Variants in PREX2 observed in about 807,000 individuals in gnomAD.
PREX2 encodes phosphatidylinositol 3,4,5-trisphosphate-dependent Rac exchanger 2 protein.
In PREX2, 107 loss-of-function variants were observed where a neutral mutation model predicts 203.2. The observed-to-expected ratio is 0.53, with a 90% confidence interval of 0.45 to 0.62. PREX2 has a LOEUF of 0.62. Ranked by LOEUF, PREX2 falls within the 20% of genes least tolerant of loss-of-function variation. The probability of loss-of-function intolerance (pLI) is 0.00; values close to 1 mark genes in which losing one functional copy is unlikely to be tolerated. For missense variants in PREX2, 1,777 were observed against 1,955.9 expected (o/e 0.91, Z 1.72); for synonymous variants, 672 against 663.6 (o/e 1.01, Z -0.19).
intron 1 of PREX2, among the ~76,000 whole-genome samples, chr8:67,995,882 G>A (rs4633043): frequency 0.22 from 33,786 of 152,038 alleles, 4,827 homozygotes; most frequent in East Asian, 0.54. Context: ...GCAAATGTAT[G>A]TTTAACTTTA....
At chr8:68,139,158 A>C (rs551227864) in intron 33 of PREX2, among the ~76,000 whole-genome samples, 1 of 152,320 alleles carries the variant, frequency 6.6e-6, no homozygotes, top group African/African-American at 2.4e-5. Context: ...ATTTTATAAT[A>C]AATTAGAAGG....
chr8:68,107,506 A>G (rs780705875), intron 23 of PREX2, among the ~76,000 whole-genome samples: 1 of 152,324 alleles, frequency 6.6e-6, no homozygotes, highest in Non-Finnish European at 1.5e-5. Context: ...TTCTCAAACC[A>G]TAAAGGCAGA....
intron 31 of PREX2, among the ~76,000 whole-genome samples, chr8:68,130,976 G>A (rs190092398): frequency 1.0e-3 from 156 of 152,346 alleles, no homozygotes; most frequent in African/African-American, 3.6e-3. Flanking sequence ...CAGAGGAGAA[G>A]GACAAGGGCA....
chr8:68,108,521 G>A (rs1030495006), intron 24 of PREX2, among the ~76,000 whole-genome samples, 190 bp downstream of exon 24: 1 of 152,136 alleles, frequency 6.6e-6, no homozygotes, highest in African/African-American at 2.4e-5. Flanking sequence ...ATGGAGTTAG[G>A]CATTTTTGTT....
chr8:68,050,105 G>A (rs1808482271), intron 8 of PREX2, among the ~76,000 whole-genome samples: 1 of 151,732 alleles, frequency 6.6e-6, no homozygotes, highest in Admixed American at 6.6e-5. Flanking sequence ...TTTTAAATTG[G>A]TGTGATAGAA....
chr8:68,097,301 T>G, intron 22 of PREX2, 100 bp downstream of exon 22: 7 of 890,054 alleles, frequency 7.9e-6, no homozygotes, highest in Non-Finnish European at 9.9e-6. Flanking sequence ...CTATACATGT[T>G]GCAGCTGTCA....
intron 37 of PREX2, among the ~76,000 whole-genome samples, chr8:68,206,736 G>T (rs954539980): frequency 2.6e-5 from 4 of 152,132 alleles, no homozygotes; most frequent in Non-Finnish European, 5.9e-5. Context: ...TATTTGTTGA[G>T]CAAGAAAAAA....
intron 1 of PREX2, among the ~76,000 whole-genome samples, chr8:67,967,175 T>C (rs1805801060): frequency 6.6e-6 from 1 of 152,212 alleles, no homozygotes; most frequent in African/African-American, 2.4e-5. Context: ...AAAGTGCCAA[T>C]TGATTTCTTG....
At chr8:68,227,995 C>T (rs573077422) in intron 39 of PREX2, among the ~76,000 whole-genome samples, 2 of 152,192 alleles carry the variant, frequency 1.3e-5, no homozygotes, top group South Asian at 4.2e-4. Flanking sequence ...GCTTCATGCA[C>T]ACAAAGAGCT....
intron 34 of PREX2, among the ~76,000 whole-genome samples, chr8:68,150,550 G>T (rs890455788): frequency 6.6e-6 from 1 of 152,134 alleles, no homozygotes; most frequent in Admixed American, 6.5e-5. Context: ...TACTAAGAGG[G>T]ACCCCAGTAG....
intron 34 of PREX2, among the ~76,000 whole-genome samples, chr8:68,148,540 A>G (rs1321185022): frequency 1.3e-5 from 2 of 152,264 alleles, no homozygotes; most frequent in African/African-American, 4.8e-5. Context: ...AAATGTACAC[A>G]TAGGCAAAAA....
intron 37 of PREX2, among the ~76,000 whole-genome samples, chr8:68,209,563 CCTT>C (rs1167956757): frequency 2.0e-5 from 3 of 152,052 alleles, no homozygotes; most frequent in Admixed American, 1.3e-4. Context: ...GGAATTGAAT[CCTT>C]CTTGTTTCCA....
chr8:67,966,619 A>C (rs777958540), intron 1 of PREX2, among the ~76,000 whole-genome samples: 123 of 152,252 alleles, frequency 8.1e-4, no homozygotes, highest in African/African-American at 1.5e-3. Flanking sequence ...AAACAACAAA[A>C]AACAACAACA....
intron 23 of PREX2, among the ~76,000 whole-genome samples, chr8:68,104,219 C>T (rs1810345863): frequency 6.6e-6 from 1 of 152,176 alleles, no homozygotes; most frequent in Non-Finnish European, 1.5e-5. Flanking sequence ...ACTGCCATCT[C>T]TCCTGTAAGT....
At chr8:68,130,726 G>C (rs1460375041) in intron 31 of PREX2, among the ~76,000 whole-genome samples, 1 of 152,144 alleles carries the variant, frequency 6.6e-6, no homozygotes, top group Non-Finnish European at 1.5e-5. Context: ...TAAGTCACAG[G>C]CCACTTCTCT....
chr8:67,989,202 A>G (rs1007593176), intron 1 of PREX2, among the ~76,000 whole-genome samples: 1 of 152,226 alleles, frequency 6.6e-6, no homozygotes, highest in Non-Finnish European at 1.5e-5. Flanking sequence ...AAATAAGTAG[A>G]AAAAGTTCCA....
chr8:68,083,525 T>C, intron 18 of PREX2, 137 bp downstream of exon 18: 2 of 523,896 alleles, frequency 3.8e-6, no homozygotes, highest in Non-Finnish European at 6.7e-6. Flanking sequence ...TCATTAATAC[T>C]GGTTTACAGA....
At chr8:68,188,253 A>G (rs570536179) in intron 35 of PREX2, among the ~76,000 whole-genome samples, 2 of 152,326 alleles carry the variant, frequency 1.3e-5, no homozygotes, top group African/African-American at 4.8e-5. Flanking sequence ...GATCCTGGGC[A>G]CAAAACCATT....
chr8:68,065,824 A>G (rs1327908213), intron 11 of PREX2, among the ~76,000 whole-genome samples: 8 of 152,202 alleles, frequency 5.3e-5, no homozygotes, highest in Admixed American at 5.2e-4. Flanking sequence ...GACATTTTTT[A>G]TTAGACTGTG....
Sources: gnomAD v4.1 joint callset for allele counts (sites outside exome capture counted in the v4.1 genomes callset) on GRCh38, gnomAD v4.1.1 for gene constraint, MANE v1.5 for transcripts, NCBI Gene and HGNC (gene_info 2026-07-23, HGNC 2026-07-21) for gene names.